The following FKBP10 variants were observed in gnomAD, a reference collection of about 807,000 sequenced individuals.
FKBP10 encodes the protein FKBP prolyl isomerase 10.
FKBP10 carries 34 observed loss-of-function variants against 53.7 expected under a neutral mutation model. The ratio of observed to expected loss-of-function variants is 0.63; its 90% CI spans 0.48 to 0.84. The LOEUF is 0.84. FKBP10 is among the 40% of genes least tolerant of loss of function. FKBP10 has a pLI of 0.00. For missense variants in FKBP10, 748 were observed against 797.8 expected (o/e 0.94, Z 0.75); for synonymous variants, 324 against 335.7 (o/e 0.97, Z 0.38).
chr17:41,822,432 T>C lies in FKBP10; in HGVS notation c.*24T>C. On this transcript the variant is annotated 3_prime_UTR_variant, in exon 10 of 10. Transcript: ENST00000321562. ...GAGGGGCAGGGAGCCTGGCCAGGCC[T>C]GAGACACAGAGGCCCACTGCGAGGG... 1.3e-6 allele frequency: 2 copies of C among 1,583,138 alleles called. No individual in the cohort carries two copies. The highest frequency in any genetic ancestry group is 1.3e-5 in the African/African-American group (1 of 74,508).
Position 41,813,124 on chromosome 17 carries a change from G to T in FKBP10, c.90G>T (p.Gly30=), listed in dbSNP as rs1555615676. The stretch of plus-strand genomic sequence containing the variant: ...TGGTGGTGCAGGCCGTGGGGAGGGG[G>T]CTGGGCCGCGCCAGCCCGGCCGGGG... ...LLLVVQAVGR[G]LGRASPAGGP... The change falls in exon 1 of 10, where the codon GGG becomes GGT. Residue 30 remains glycine, a synonymous_variant. Coordinates refer to ENST00000321562, the MANE Select transcript of FKBP10 (RefSeq NM_021939.4). 6.2e-6 allele frequency: 10 copies of T among 1,611,338 alleles called. No individual in the cohort carries two copies. The highest frequency in any genetic ancestry group is 1.3e-5 in the African/African-American group (1 of 74,892).
At chr17:41,819,776 C>T (rs2047866972) in intron 6 of FKBP10, 101 bp downstream of exon 6, 1 of 1,543,982 alleles carries the variant, frequency 6.5e-7, no homozygotes, top group African/African-American at 1.4e-5. Flanking sequence ...CCGCTCGGCC[C>T]CTCTCATCAC....
chr17:41,821,660 G>A lies in FKBP10; in HGVS notation c.1406G>A (p.Gly469Glu). The A allele has an allele frequency of 1.2e-6, 2 of 1,613,890 alleles. No homozygotes were observed. The highest frequency in any genetic ancestry group is 8.5e-7 in the Non-Finnish European group (1 of 1,179,990). Reference protein sequence around the residue: ...HLAHGESGARGVPGSAVLLFE... With the variant: ...HLAHGESGAREVPGSAVLLFE... ...TCTCCTGCCCTCCCTCCAGCCCGGGGAGTCCCAGGCAGTGCTGTGCTGCTG... is the reference window on the plus strand; with the variant it reads ...TCTCCTGCCCTCCCTCCAGCCCGGGAAGTCCCAGGCAGTGCTGTGCTGCTG... The change falls in exon 9 of 10, where the codon GGA (glycine) becomes GAA (glutamate). Residue 469 changes from glycine (G) to glutamate (E), a missense_variant. Coordinates refer to ENST00000321562, the MANE Select transcript of FKBP10 (RefSeq NM_021939.4).
rs546572264 is a variant in FKBP10, at chr17:41,822,354, C to T, written c.1695C>T (p.Asp565=). 14 of 1,613,038 alleles carry T rather than the reference C, an allele frequency of 8.7e-6. No homozygotes were observed. The South Asian group carries it at 8.8e-5, about 10-fold the overall frequency. ...ACCAGGACGGCAAGATCACAGTCGACGAGCTCAAGCTGAAGTCAGATGAGG... is the reference window on the plus strand; with the variant it reads ...ACCAGGACGGCAAGATCACAGTCGATGAGCTCAAGCTGAAGTCAGATGAGG... The part of the protein sequence containing the change: ...DRNQDGKITV[D]ELKLKSDEDE... The change falls in exon 10 of 10, where the codon GAC becomes GAT. Residue 565 remains aspartate (D), a synonymous_variant. Coordinates refer to ENST00000321562, the MANE Select transcript of FKBP10 (RefSeq NM_021939.4).
chr17:41,820,437 T>C lies in FKBP10; in HGVS notation c.1232T>C (p.Leu411Pro), dbSNP rs782561237. ...CGATACCATTACAACTGTTCTTTGC[T>C]GGACGGCACCCAGCTGTTCACCTCG... ...FVRYHYNCSL[L>P]DGTQLFTSHD... Residue 411 changes from leucine to proline, a missense_variant, in exon 7 of 10, where the codon CTG becomes CCG. Physicochemically the swap from Leu to Pro is moderately conservative, Grantham distance 98 (BLOSUM62 -3). Transcript: ENST00000321562. 2.5e-6 allele frequency: 4 copies of C among 1,603,654 alleles called. No individual in the cohort carries two copies. In the African/African-American group the frequency reaches 5.4e-5, roughly 22 times the overall value.
rs1555616559 is a variant in FKBP10 at position 41,819,257 on chromosome 17, A to G, written c.775A>G (p.Ile259Val). The change falls in exon 5 of 10, where the codon ATT becomes GTT. Residue 259 changes from isoleucine (I) to valine (V), a missense_variant. Physicochemically the swap from Ile to Val is conservative, Grantham distance 29. Coordinates refer to ENST00000321562, the MANE Select transcript of FKBP10 (RefSeq NM_021939.4). ...QASLVFHVLL[I>V]DVHNPKDAVQ... Reference sequence around the variant, plus strand: ...CTCGCTGGTCTTTCACGTCCTCCTGATTGACGTGCACAACCCGAAGGACGC... The same window carrying G: ...CTCGCTGGTCTTTCACGTCCTCCTGGTTGACGTGCACAACCCGAAGGACGC... The G allele has an allele frequency of 6.2e-7, 1 of 1,614,062 alleles. No homozygotes were observed. The highest frequency in any genetic ancestry group is 1.1e-5 in the South Asian group (1 of 91,082).
At chr17:41,819,128 G>T in intron 4 of FKBP10, 82 bp from the exon 5 acceptor site, 1 of 1,399,586 alleles carries the variant, frequency 7.1e-7, no homozygotes, top group South Asian at 1.2e-5. Context: ...GTCTTGCATG[G>T]TGCCCACTGG....
chr17:41,820,079 A>G, intron 6 of FKBP10, 190 bp from the exon 7 acceptor site: 1 of 1,292,728 alleles, frequency 7.7e-7, no homozygotes, highest in Non-Finnish European at 1.1e-6. Flanking sequence ...CTTACTGGAA[A>G]GCTGCCTTCC....
At chr17:41,816,885 G>A (rs530422942) in intron 1 of FKBP10, among the ~76,000 whole-genome samples, 173 bp from the exon 2 acceptor site, 3 of 152,298 alleles carry the variant, frequency 2.0e-5, no homozygotes, top group South Asian at 2.1e-4. Context: ...CGTCACGGCC[G>A]ACCTAGGAGG....
chr17:41,818,395 G>A lies in FKBP10; in HGVS notation c.595G>A (p.Gly199Ser), dbSNP rs763045650. ...CATTTTCTGCAGCTACAGTAAGGGC[G>A]GCACTTATGACACCTACGTCGGCTC... is the stretch of plus-strand genomic sequence containing the variant. ...TSFDTSYSKG[G>S]TYDTYVGSGW... is the part of the protein sequence containing the mutation. Residue 199 changes from glycine to serine, a missense_variant, in exon 4 of 10, where the codon GGC (glycine) becomes AGC (serine). Transcript: ENST00000321562. 28 of 1,614,032 alleles carry A rather than the reference G, an allele frequency of 1.7e-5. No individual in the cohort carries two copies. The highest frequency in any genetic ancestry group is 1.3e-4 in the African/African-American group (10 of 74,906).
rs529194504 is a variant in FKBP10 at position 41,819,923 on chromosome 17, T to C, written c.1063+248T>C. On this transcript the variant is annotated intron_variant, in intron 6 of 9. Transcript: ENST00000321562. ...GGCAGCCAAGTTTGGGGAGGGAGGG[T>C]GGTTATGGAAAAACAGAACCAGCAT... 8.5e-6 allele frequency: 13 copies of C among 1,537,470 alleles called. No individual in the cohort carries two copies. In the East Asian group the frequency reaches 2.0e-4, roughly 24 times the overall value.
intron 5 of FKBP10, 36 bp from the exon 6 acceptor site, chr17:41,819,494 T>C: frequency 6.2e-7 from 1 of 1,613,958 alleles, no homozygotes; most frequent in Non-Finnish European, 8.5e-7. Context: ...AGGGCCCCTT[T>C]GACTCCCTTC....
At chr17:41,813,495 C>G (rs2047775294) in intron 1 of FKBP10, among the ~76,000 whole-genome samples, 1 of 152,164 alleles carries the variant, frequency 6.6e-6, no homozygotes, top group African/African-American at 2.4e-5. Context: ...CACAAGCTCT[C>G]CACATCCCGG....
Position 41,820,439 on chromosome 17 carries a change from G to A in FKBP10, c.1234G>A (p.Asp412Asn). The part of the protein sequence containing the change: ...VRYHYNCSLL[D>N]GTQLFTSHDY... ...ATACCATTACAACTGTTCTTTGCTG[G>A]ACGGCACCCAGCTGTTCACCTCGTG... The change falls in exon 7 of 10, where the codon GAC becomes AAC. Residue 412 changes from aspartate (D) to asparagine (N), a missense_variant. Coordinates refer to ENST00000321562, the MANE Select transcript of FKBP10 (RefSeq NM_021939.4). 6.2e-7 allele frequency: 1 copy of A among 1,613,760 alleles called. No homozygotes were observed. The highest frequency in any genetic ancestry group is 1.1e-5 in the South Asian group (1 of 91,058).
Position 41,822,374 on chromosome 17 carries a change from A to T in FKBP10, c.1715A>T (p.Asp572Val). ...GTCGACGAGCTCAAGCTGAAGTCAG[A>T]TGAGGACGAGGAGCGGGTCCACGAG... ...ITVDELKLKSDEDEERVHEEL is the reference protein window; with the variant it reads ...ITVDELKLKSVEDEERVHEEL Residue 572 changes from aspartate to valine, a missense_variant, in exon 10 of 10, where the codon GAT becomes GTT. Asp to Val is a radical substitution (Grantham distance 152). Transcript: ENST00000321562. 1.2e-6 allele frequency: 2 copies of T among 1,612,126 alleles called. No homozygotes were observed. Among genetic ancestry groups the T allele is most frequent in the East Asian group, 4.5e-5 (2 of 44,828 alleles).
Position 41,820,339 on chromosome 17 carries a change from T to C in FKBP10, c.1134T>C (p.Asp378=), listed in dbSNP as rs782411960. Residue 378 remains aspartate (D), a synonymous_variant, in exon 7 of 10, where the codon GAT becomes GAC. Coordinates refer to ENST00000321562, the MANE Select transcript of FKBP10 (RefSeq NM_021939.4). ...VHVIDFHNPA[D]VVEIRTLSRP... ...TCATTGACTTCCACAACCCTGCGGATGTGGTGGAAATCAGGACACTGTCCC... is the reference window on the plus strand; with the variant it reads ...TCATTGACTTCCACAACCCTGCGGACGTGGTGGAAATCAGGACACTGTCCC... 19 of 1,614,050 alleles carry C rather than the reference T, an allele frequency of 1.2e-5. No homozygotes were observed. Among genetic ancestry groups the C allele is most frequent in the Non-Finnish European group, 4.2e-6 (5 of 1,180,026 alleles).
At position 41,819,332 on chromosome 17, in the gene FKBP10, G is replaced by T; in HGVS notation, c.850G>T (p.Gly284Trp). 6.2e-7 allele frequency: 1 copy of T among 1,614,062 alleles called. No homozygotes were observed. Among genetic ancestry groups the T allele is most frequent in the Non-Finnish European group, 8.5e-7 (1 of 1,179,994 alleles). Residue 284 changes from glycine to tryptophan, a missense_variant, in exon 5 of 10, where the codon GGG becomes TGG. Physicochemically the swap from Gly to Trp is radical, Grantham distance 184. Coordinates refer to ENST00000321562, the MANE Select transcript of FKBP10 (RefSeq NM_021939.4). ...CCCCCCCGGCTGTGTCCGCAGAGCC[G>T]GGGCCGGGGACTTCATGCGCTACCA... Reference protein sequence around the residue: ...ELPPGCVRRAGAGDFMRYHYN... With the variant: ...ELPPGCVRRAWAGDFMRYHYN...
intron 8 of FKBP10, 65 bp from the exon 9 acceptor site, chr17:41,821,589 A>C: frequency 6.3e-7 from 1 of 1,590,822 alleles, no homozygotes; most frequent in Non-Finnish European, 8.6e-7. Context: ...GCTGGGAAAC[A>C]GTGAAGCCAG....
chr17:41,817,951 A>C, intron 2 of FKBP10, 138 bp from the exon 3 acceptor site: 2 of 918,980 alleles, frequency 2.2e-6, no homozygotes, highest in Non-Finnish European at 3.4e-6. Flanking sequence ...AAAAAAAAAA[A>C]CAAAAATAGT....
Sources: allele counts gnomAD v4.1 joint callset (sites outside exome capture counted in the v4.1 genomes callset), GRCh38; gene constraint gnomAD v4.1.1; transcripts MANE v1.5; gene names NCBI Gene and HGNC (gene_info 2026-07-23, HGNC 2026-07-21).